HAAO: variants seen among roughly 807,000 people sequenced by gnomAD.
HAAO encodes 3-hydroxyanthranilate 3,4-dioxygenase.
HAAO carries 49 observed loss-of-function variants against 46.2 expected under a neutral mutation model. The ratio of observed to expected loss-of-function variants is 1.06; its 90% confidence interval spans 0.84 to 1.34. The LOEUF (loss-of-function observed/expected upper bound fraction) is 1.34. HAAO is among the 40% of genes most tolerant of loss of function. HAAO has a pLI of 0.00. For missense variants in HAAO, 408 were observed against 364.5 expected (o/e 1.12, Z -0.97); for synonymous variants, 157 against 145.2 (o/e 1.08, Z -0.58).
chr2:42,789,944 A>C (rs1165055116), intron 1 of HAAO, among the ~76,000 whole-genome samples: 1 of 152,184 alleles, frequency 6.6e-6, no homozygotes, highest in Admixed American at 6.5e-5. Flanking sequence ...CCTGCCACAG[A>C]GGGCAGGGGC....
At chr2:42,783,504 G>A (rs1672162771) in intron 3 of HAAO, 84 bp from the exon 4 acceptor site, 13 of 887,110 alleles carry the variant, frequency 1.5e-5, no homozygotes, top group African/African-American at 3.3e-5. Flanking sequence ...GGCATCCCCA[G>A]CTGACCCCCG....
At chr2:42,772,031 A>G (rs530268987) in intron 4 of HAAO, among the ~76,000 whole-genome samples, 3 of 152,320 alleles carry the variant, frequency 2.0e-5, no homozygotes, top group South Asian at 2.1e-4. Flanking sequence ...GTAAAATGAT[A>G]TTGAGGACAC....
intron 4 of HAAO, among the ~76,000 whole-genome samples, chr2:42,771,473 G>A (rs1185147722): frequency 1.3e-5 from 2 of 150,724 alleles, no homozygotes; most frequent in African/African-American, 4.9e-5. Flanking sequence ...AAGCCAACAC[G>A]CAGAAGATGT....
At chr2:42,785,770 G>A (rs1672336743) in intron 2 of HAAO, among the ~76,000 whole-genome samples, 1 of 152,070 alleles carries the variant, frequency 6.6e-6, no homozygotes, top group African/African-American at 2.4e-5. Context: ...CCTGAGGTGG[G>A]AGGATCACTT....
chr2:42,791,281 A>G (rs1050902940), intron 1 of HAAO, among the ~76,000 whole-genome samples: 1 of 152,142 alleles, frequency 6.6e-6, no homozygotes, highest in Non-Finnish European at 1.5e-5. Flanking sequence ...AAGAATACCA[A>G]TGATGCCAGC....
intron 6 of HAAO, 71 bp from the exon 7 acceptor site, chr2:42,769,929 C>T: frequency 1.3e-6 from 2 of 1,488,134 alleles, no homozygotes; most frequent in Non-Finnish European, 1.8e-6. Flanking sequence ...GGCCCAGTTC[C>T]CAGGGGCCCC....
At chr2:42,769,902 C>T (rs528554474) in intron 6 of HAAO, 44 bp from the exon 7 acceptor site, 4 of 1,552,408 alleles carry the variant, frequency 2.6e-6, no homozygotes, top group South Asian at 2.5e-5. Flanking sequence ...CAGGACCCAG[C>T]CCACCCAGCC....
chr2:42,770,661 C>T (rs2104639562), intron 4 of HAAO, 79 bp from the exon 5 acceptor site: 2 of 838,420 alleles, frequency 2.4e-6, no homozygotes, highest in East Asian at 5.3e-5. Flanking sequence ...CCTGGCTCTG[C>T]TTGTAGAAGT....
chr2:42,789,232 A>T (rs1672609002), intron 1 of HAAO: 2 of 153,320 alleles, frequency 1.3e-5, no homozygotes, highest in South Asian at 4.1e-4. Flanking sequence ...TAATATTTGG[A>T]AGCTCTCAGA....
intron 2 of HAAO, 47 bp downstream of exon 2, chr2:42,788,482 G>C: frequency 8.1e-7 from 1 of 1,236,686 alleles, no homozygotes; most frequent in Non-Finnish European, 1.2e-6. Context: ...GCTAGGGCCA[G>C]GCTCCTTGCC....
chr2:42,779,610 G>A (rs140764531), intron 4 of HAAO, among the ~76,000 whole-genome samples: 2,440 of 152,224 alleles, frequency 0.016, 63 homozygotes, highest in African/African-American at 0.055. Flanking sequence ...GTGAGCCACC[G>A]CGCCCAGCTT....
chr2:42,784,515 G>A (rs1672246351), intron 2 of HAAO, among the ~76,000 whole-genome samples: 3 of 117,244 alleles, frequency 2.6e-5, no homozygotes, highest in Admixed American at 8.4e-5. Context: ...GCTCTCCTGG[G>A]GGTGGGGGGA....
At position 42,767,483 on chromosome 2, in the gene HAAO, GC is replaced by G. The variant is rs1558656233; in HGVS notation, c.814del (p.Ala272ProfsTer4). The stretch of plus-strand genomic sequence containing the variant: ...GGCAGGGTCCTGGGTCACAGACAGG[GC>G]CACAGAGCCTTGTGTTCGCTCCCAG... ...YAWERTQGSV[A>X]LSVTQDPACK... is the part of the protein sequence containing the mutation. On this transcript the variant is annotated frameshift_variant, in exon 10 of 10. Transcript: ENST00000294973. LOFTEE classifies it high-confidence loss of function. 1 of 1,613,086 alleles carries G rather than the reference GC, an allele frequency of 6.2e-7. No individual in the cohort carries two copies. Among genetic ancestry groups the G allele is most frequent in the South Asian group, 1.1e-5 (1 of 90,802 alleles).
At chr2:42,782,263 G>A (rs183364685) in intron 4 of HAAO, among the ~76,000 whole-genome samples, 4 of 152,216 alleles carry the variant, frequency 2.6e-5, no homozygotes, top group Admixed American at 6.5e-5. Flanking sequence ...ACCAATTTAC[G>A]TACCTAAGCC....
At chr2:42,790,528 GT>G (rs60966394) in intron 1 of HAAO, among the ~76,000 whole-genome samples, 119,138 of 147,764 alleles carry the variant, frequency 0.81, 48,290 homozygotes, top group Middle Eastern at 0.93. Context: ...AACCTGGAAA[GT>G]TTGTTTTTTT....
At chr2:42,789,875 C>T (rs1672658869) in intron 1 of HAAO, among the ~76,000 whole-genome samples, 1 of 152,248 alleles carries the variant, frequency 6.6e-6, no homozygotes, top group South Asian at 2.1e-4. Context: ...GGTGCAGACA[C>T]TGGGGTGAAT....
At chr2:42,780,923 A>G in intron 4 of HAAO, among the ~76,000 whole-genome samples, 1 of 151,110 alleles carries the variant, frequency 6.6e-6, no homozygotes, top group Admixed American at 6.6e-5. Flanking sequence ...AAAAAAAAAA[A>G]AAAATTTGCT....
intron 7 of HAAO, among the ~76,000 whole-genome samples, chr2:42,768,280 A>G (rs1446403503): frequency 6.6e-6 from 1 of 152,016 alleles, no homozygotes; most frequent in Non-Finnish European, 1.5e-5. Context: ...TTTCTCTGAG[A>G]GAGGTTATGA....
At chr2:42,782,795 G>A in intron 4 of HAAO, 1 of 367,654 alleles carries the variant, frequency 2.7e-6, no homozygotes, top group Non-Finnish European at 5.6e-6. Context: ...TTCCCACTTT[G>A]AGTCTTCCCA....
Sources: allele counts gnomAD v4.1 joint callset (sites outside exome capture counted in the v4.1 genomes callset), GRCh38; gene constraint gnomAD v4.1.1; transcripts MANE v1.5; gene names NCBI Gene and HGNC (gene_info 2026-07-23, HGNC 2026-07-21).